The following RAD17 variants were observed in gnomAD, a reference collection of about 807,000 sequenced individuals.
The protein encoded by RAD17 is RAD17 checkpoint clamp loader component.
Under a neutral mutation model 81.5 loss-of-function variants are expected in RAD17, and 31 were observed. The ratio of observed to expected loss-of-function variants is 0.38; its 90% confidence interval spans 0.29 to 0.51. The LOEUF (loss-of-function observed/expected upper bound fraction) is 0.51. Among genes scored for constraint, RAD17 ranks in the 20% least tolerant of loss-of-function variants. The probability of loss-of-function intolerance (pLI) is 0.88; values close to 1 mark genes in which losing one functional copy is unlikely to be tolerated. For synonymous variants in RAD17, 261 were observed against 266.2 expected (o/e 0.98, Z 0.19); for missense variants, 681 against 781.2 (o/e 0.87, Z 1.53).
intron 6 of RAD17, among the ~76,000 whole-genome samples, chr5:69,379,909 T>A (rs1763741757): frequency 6.6e-6 from 1 of 151,996 alleles, no homozygotes; most frequent in Non-Finnish European, 1.5e-5. Flanking sequence ...TGACAGAGTT[T>A]CACTCTTGTT....
intron 18 of RAD17, among the ~76,000 whole-genome samples, chr5:69,412,417 C>T (rs946483286): frequency 1.3e-4 from 19 of 151,966 alleles, no homozygotes; most frequent in African/African-American, 2.7e-4. Flanking sequence ...TCAACCTACA[C>T]GTTATTTTTG....
At chr5:69,373,679 CA>C (rs372689254) in intron 4 of RAD17, 150 bp from the exon 5 acceptor site, 166,785 of 532,204 alleles carry the variant, frequency 0.31, 49,651 homozygotes, top group Admixed American at 0.48. Flanking sequence ...GACCCGGTCT[CA>C]AAAAAATTTT....
In RAD17 at chr5:69,376,432, A is replaced by G. The variant is rs770586688; in HGVS notation, c.351+1721A>G. ...TAGGGTTGTTTAGTTACCTTGAAAT[A>G]CATTTCCAACTAGAAAGGCAGGATA... On this transcript the variant is annotated intron_variant, in intron 6 of 18. Transcript: ENST00000354868. Among the ~76,000 whole-genome samples, 52 of 152,362 alleles carry G rather than the reference A, an allele frequency of 3.4e-4. 1 individual carries two copies. Among genetic ancestry groups the G allele is most frequent in the South Asian group, 1.0e-3 (5 of 4,828 alleles).
rs1292968531 is a variant in RAD17 at position 69,400,085 on chromosome 5, C to G, written c.1609C>G (p.Pro537Ala). ...ENCLAAKALF[P>A]DFCLPALCLQ... Reference sequence around the variant, plus strand: ...TTGCCTGGCAGCAAAAGCACTTTTTCCTGACTTCTGCCTACCAGCTTTATG... The same window carrying G: ...TTGCCTGGCAGCAAAAGCACTTTTTGCTGACTTCTGCCTACCAGCTTTATG... Residue 537 changes from proline to alanine, a missense_variant, in exon 17 of 19, where the codon CCT becomes GCT. By Grantham distance (27) the Pro-to-Ala change is conservative. Transcript: ENST00000354868. 1.2e-6 allele frequency: 2 copies of G among 1,601,374 alleles called. No homozygotes were observed. The highest frequency in any genetic ancestry group is 1.7e-6 in the Non-Finnish European group (2 of 1,174,554).
intron 6 of RAD17, among the ~76,000 whole-genome samples, chr5:69,381,589 T>G (rs1416356973): frequency 6.6e-6 from 1 of 152,100 alleles, no homozygotes; most frequent in Non-Finnish European, 1.5e-5. Context: ...TACTAAATAG[T>G]CCTTGAGAGG....
Position 69,414,024 on chromosome 5 carries a change from C to T in RAD17, c.1752-7C>T, listed in dbSNP as rs748512982. Reference sequence around the variant, plus strand: ...TCTTATTAATGCCTGCACTGTGAATCTGACAGATTGAAAATGGAAGCCCTG... The same window carrying T: ...TCTTATTAATGCCTGCACTGTGAATTTGACAGATTGAAAATGGAAGCCCTG... On this transcript the variant is annotated splice_region_variant and splice_polypyrimidine_tract_variant and intron_variant, in intron 18 of 18. Coordinates refer to ENST00000354868, the MANE Select transcript of RAD17 (RefSeq NM_133338.3). The T allele has an allele frequency of 1.7e-5, 27 of 1,613,776 alleles. No individual in the cohort carries two copies. The highest frequency in any genetic ancestry group is 2.1e-5 in the Non-Finnish European group (25 of 1,179,838).
At position 69,372,230 on chromosome 5, in the gene RAD17, A is replaced by C. The variant is rs1340346626; in HGVS notation, c.9+13A>C. 2 of 1,589,572 alleles carry C rather than the reference A, an allele frequency of 1.3e-6. No homozygotes were observed. Among genetic ancestry groups the C allele is most frequent in the Non-Finnish European group, 1.7e-6 (2 of 1,158,350 alleles). On this transcript the variant is annotated intron_variant, in intron 4 of 18. Transcript: ENST00000354868. ...CGAAATGAATCAGGTAGCTATGACT[A>C]AAATTTTTTCCAGTGGTCTTCCTTT...
intron 17 of RAD17, among the ~76,000 whole-genome samples, chr5:69,407,982 T>C (rs1279757459): frequency 6.6e-6 from 1 of 152,242 alleles, no homozygotes; most frequent in Non-Finnish European, 1.5e-5. Context: ...TTTGTCTTTT[T>C]GTTGATGCTC....
At chr5:69,385,382 C>T (rs1277230565) in intron 8 of RAD17, among the ~76,000 whole-genome samples, 1 of 150,964 alleles carries the variant, frequency 6.6e-6, no homozygotes, top group Admixed American at 6.6e-5. Flanking sequence ...AATTCTCATG[C>T]CTCAGCCTCC....
chr5:69,410,965 C>CTACA (rs1554044688), intron 18 of RAD17, among the ~76,000 whole-genome samples: 1 of 90,262 alleles, frequency 1.1e-5, no homozygotes, highest in East Asian at 3.5e-4. Context: ...AGATGTCTGT[C>CTACA]TATATATATA....
chr5:69,387,454 A>G (rs1038996737), intron 11 of RAD17, among the ~76,000 whole-genome samples: 7 of 151,906 alleles, frequency 4.6e-5, no homozygotes, highest in African/African-American at 1.7e-4. Flanking sequence ...AGTGTAGAGC[A>G]CCTAACTGAA....
At chr5:69,410,817 A>G (rs983629789) in intron 18 of RAD17, among the ~76,000 whole-genome samples, 7 of 152,008 alleles carry the variant, frequency 4.6e-5, no homozygotes, top group Admixed American at 3.3e-4. Flanking sequence ...CAACAAATCT[A>G]GAAACCCCTT....
upstream of RAD17, chr5:69,369,428 C>G (rs776580412): frequency 1.9e-6 from 3 of 1,606,780 alleles, no homozygotes; most frequent in Non-Finnish European, 2.5e-6. Flanking sequence ...CCCCAGCCTG[C>G]CCCAGCCCAG....
At chr5:69,405,030 G>C (rs545708229) in intron 17 of RAD17, among the ~76,000 whole-genome samples, 3 of 152,154 alleles carry the variant, frequency 2.0e-5, no homozygotes, top group Non-Finnish European at 4.4e-5. Flanking sequence ...TAACACTAAT[G>C]ATCAGGGAAA....
At chr5:69,382,646 C>A (rs971935972) in intron 7 of RAD17, among the ~76,000 whole-genome samples, 1 of 152,028 alleles carries the variant, frequency 6.6e-6, no homozygotes, top group Non-Finnish European at 1.5e-5. Flanking sequence ...TAAATCAAGC[C>A]TTAAGATGTG....
intron 13 of RAD17, chr5:69,392,807 A>C (rs930620435): frequency 2.2e-6 from 1 of 462,012 alleles, no homozygotes; most frequent in East Asian, 6.6e-5. Context: ...AGAGAGCAAC[A>C]TCTTCCTACA....
upstream of RAD17, chr5:69,369,618 T>C (rs1762783099): frequency 3.2e-6 from 5 of 1,575,816 alleles, no homozygotes; most frequent in Non-Finnish European, 3.4e-6. Context: ...GCGGCGCCCC[T>C]AGCCTGCCCC....
chr5:69,414,195 C>G lies in RAD17; in HGVS notation c.1916C>G (p.Ala639Gly), dbSNP rs1766233030. 1.2e-6 allele frequency: 2 copies of G among 1,614,226 alleles called. No individual in the cohort carries two copies. Among genetic ancestry groups the G allele is most frequent in the Non-Finnish European group, 1.7e-6 (2 of 1,180,032 alleles). ...TCTCTTCCTTTGAGTCAGAATAGTG[C>G]CAGTGAACTGCCTGCTAGCCAGCCC... is the stretch of plus-strand genomic sequence containing the variant. ...TWSLPLSQNS[A>G]SELPASQPQP... Residue 639 changes from alanine (A) to glycine (G), a missense_variant, in exon 19 of 19, where the codon GCC becomes GGC. By Grantham distance (60) the Ala-to-Gly change is moderately conservative. Coordinates refer to ENST00000354868, the MANE Select transcript of RAD17 (RefSeq NM_133338.3).
intron 17 of RAD17, among the ~76,000 whole-genome samples, chr5:69,402,872 C>T (rs1238148764): frequency 6.6e-6 from 1 of 152,124 alleles, no homozygotes; most frequent in Non-Finnish European, 1.5e-5. Flanking sequence ...AAACTTAAGT[C>T]TGCACTTGCC....
Sources: allele counts gnomAD v4.1 joint callset (sites outside exome capture counted in the v4.1 genomes callset), GRCh38; gene constraint gnomAD v4.1.1; transcripts MANE v1.5; gene names NCBI Gene and HGNC (gene_info 2026-07-23, HGNC 2026-07-21).